Variants in LRP1B observed in about 807,000 individuals in gnomAD.
The protein encoded by LRP1B is low-density lipoprotein receptor-related protein 1B.
Under a neutral mutation model 556.6 loss-of-function variants are expected in LRP1B, and 217 were observed. The observed-to-expected ratio is 0.39, with a 90% CI of 0.35 to 0.44. The LOEUF (loss-of-function observed/expected upper bound fraction) is 0.44, where lower values mean the gene tolerates loss of function less well. LRP1B is among the 20% of genes least tolerant of loss of function. The pLI is 1.00. For synonymous variants in LRP1B, 2,047 were observed against 1,865.8 expected (o/e 1.10, Z -2.50); for missense variants, 5,053 against 5,620.8 (o/e 0.90, Z 3.23).
intron 27 of LRP1B, among the ~76,000 whole-genome samples, chr2:140,854,722 G>T (rs914938991): frequency 6.6e-6 from 1 of 152,138 alleles, no homozygotes; most frequent in African/African-American, 2.4e-5. Flanking sequence ...AGCCATGGCT[G>T]TTATCATACT....
chr2:141,600,889 C>G (rs1687709189), intron 2 of LRP1B, among the ~76,000 whole-genome samples: 1 of 152,096 alleles, frequency 6.6e-6, no homozygotes, highest in African/African-American at 2.4e-5. Context: ...GGCATCCGAA[C>G]AGAACCTGGG....
At chr2:141,268,515 T>A (rs1171482645) in intron 3 of LRP1B, among the ~76,000 whole-genome samples, 1 of 152,084 alleles carries the variant, frequency 6.6e-6, no homozygotes, top group Non-Finnish European at 1.5e-5. Context: ...TTGATATGAA[T>A]GTCACTCAAT....
intron 2 of LRP1B, among the ~76,000 whole-genome samples, chr2:141,729,306 CT>C (rs1186311943): frequency 6.9e-5 from 10 of 144,932 alleles, no homozygotes; most frequent in Non-Finnish European, 1.4e-4. Context: ...CTATGCTATT[CT>C]TTTTTTTTAG....
intron 85 of LRP1B, among the ~76,000 whole-genome samples, chr2:140,273,376 G>T (rs1682546311): frequency 6.6e-6 from 1 of 151,732 alleles, no homozygotes; most frequent in African/African-American, 2.4e-5. Flanking sequence ...AAGGCACATA[G>T]TTATATATCA....
chr2:140,838,469 C>T (rs1487274207), intron 31 of LRP1B, among the ~76,000 whole-genome samples: 1 of 152,054 alleles, frequency 6.6e-6, no homozygotes, highest in African/African-American at 2.4e-5. Flanking sequence ...TTAACAGTAT[C>T]ATTTTATATG....
At chr2:140,434,892 C>T (rs551595233) in intron 66 of LRP1B, among the ~76,000 whole-genome samples, 239 of 152,130 alleles carry the variant, frequency 1.6e-3, no homozygotes, top group African/African-American at 5.5e-3. Context: ...CTGATGTTAA[C>T]ATATAAGCAT....
In LRP1B at chr2:140,868,184, T is replaced by C. The variant is rs759335806; in HGVS notation, c.4249A>G (p.Ile1417Val). The C allele has an allele frequency of 6.2e-7, 1 of 1,610,350 alleles. No individual in the cohort carries two copies. Among genetic ancestry groups the C allele is most frequent in the Admixed American group, 1.7e-5 (1 of 59,636 alleles). The change falls in exon 26 of 91, where the codon ATC becomes GTC. Residue 1417 changes from isoleucine (I) to valine (V), a missense_variant. Physicochemically the swap from Ile to Val is conservative, Grantham distance 29. Around this residue, in one of 5 missense-constraint regions of LRP1B, gnomAD observed 3,619 missense variants for 3,931.9 expected, o/e 0.92. Transcript: ENST00000389484. Reference sequence around the variant, plus strand: ...GCCCCAGTTTTCATGTCTTTATAGATGGTTTTTCTCCCAGCACCACTCATA... The same window carrying C: ...GCCCCAGTTTTCATGTCTTTATAGACGGTTTTTCTCCCAGCACCACTCATA... Reference protein sequence around the residue: ...ASMSGAGRKTIYKDMKTGAWP... With the variant: ...ASMSGAGRKTVYKDMKTGAWP...
chr2:141,838,272 ATAAAG>A (rs1259813102), intron 1 of LRP1B, among the ~76,000 whole-genome samples: 5 of 152,154 alleles, frequency 3.3e-5, no homozygotes, highest in Non-Finnish European at 7.4e-5. Flanking sequence ...TGCAGTGTGA[ATAAAG>A]TAGCACCAAA....
intron 52 of LRP1B, 79 bp downstream of exon 52, chr2:140,509,849 T>C: frequency 5.2e-6 from 8 of 1,545,188 alleles, no homozygotes; most frequent in Non-Finnish European, 7.0e-6. Flanking sequence ...AAATGTGCTA[T>C]GGCAAATACT....
At chr2:142,110,698 T>C (rs1706957249) in intron 1 of LRP1B, among the ~76,000 whole-genome samples, 1 of 152,170 alleles carries the variant, frequency 6.6e-6, no homozygotes, top group African/African-American at 2.4e-5. Context: ...TTGTTAATGA[T>C]TTCTTTTAGG....
chr2:140,503,206 G>A (rs1689272161), intron 53 of LRP1B, 103 bp from the exon 54 acceptor site: 1 of 943,416 alleles, frequency 1.1e-6, no homozygotes, highest in African/African-American at 1.6e-5. Flanking sequence ...GATTACTCAT[G>A]TCTCCCATGA....
At chr2:141,618,153 G>A (rs76630473) in intron 2 of LRP1B, among the ~76,000 whole-genome samples, 2,793 of 152,164 alleles carry the variant, frequency 0.018, 40 homozygotes, top group Middle Eastern at 0.054. Flanking sequence ...CCCTTAAACA[G>A]AAAATTATTG....
In LRP1B at chr2:140,454,292, G is replaced by C. The variant is rs139805641; in HGVS notation, c.9963+2163C>G. Among the ~76,000 whole-genome samples the C allele has an allele frequency of 5.7e-4, 86 of 152,132 alleles. No homozygotes were observed. The East Asian group carries it at 0.016, about 29-fold the overall frequency. On this transcript the variant is annotated intron_variant, in intron 62 of 90. Transcript: ENST00000389484. ...CCCTCCCAAGTAGCTGGGATTACAG[G>C]TCCTTGCCACCATGCCCAGCTAATT...
chr2:141,107,512 G>A (rs1700636023), intron 7 of LRP1B, among the ~76,000 whole-genome samples: 1 of 152,044 alleles, frequency 6.6e-6, no homozygotes, highest in African/African-American at 2.4e-5. Context: ...TGGACATGGT[G>A]GTGTGTACCT....
chr2:140,468,589 G>A (rs1290468738), intron 60 of LRP1B, among the ~76,000 whole-genome samples: 2 of 152,234 alleles, frequency 1.3e-5, no homozygotes, highest in Admixed American at 1.3e-4. Context: ...TCCAACCTAT[G>A]AGAGGTGGAA....
At chr2:141,983,948 C>A (rs1280988207) in intron 1 of LRP1B, among the ~76,000 whole-genome samples, 3 of 152,102 alleles carry the variant, frequency 2.0e-5, no homozygotes, top group Admixed American at 6.6e-5. Context: ...ATAATCCCAG[C>A]TACTCAGGAA....
At chr2:141,281,335 GGGCCTAT>G (rs1685501138) in intron 3 of LRP1B, among the ~76,000 whole-genome samples, 1 of 151,824 alleles carries the variant, frequency 6.6e-6, no homozygotes, top group Admixed American at 6.6e-5. Context: ...TATCCCACCT[GGGCCTAT>G]AACTCTGTCT....
intron 7 of LRP1B, among the ~76,000 whole-genome samples, chr2:141,112,700 A>T (rs535429763): frequency 6.6e-6 from 1 of 152,184 alleles, no homozygotes; most frequent in East Asian, 1.9e-4. Flanking sequence ...GCCTGCAAGA[A>T]CCTAACCTTG....
intron 20 of LRP1B, among the ~76,000 whole-genome samples, chr2:140,945,972 T>C (rs932887007): frequency 2.6e-5 from 4 of 152,082 alleles, no homozygotes; most frequent in African/African-American, 9.7e-5. Flanking sequence ...GACAAGGAAC[T>C]AATAGCCAGA....
Sources: allele counts gnomAD v4.1 joint callset (sites outside exome capture counted in the v4.1 genomes callset), GRCh38; gene constraint gnomAD v4.1.1; regional missense constraint gnomAD v4.1.1; transcripts MANE v1.5; gene names NCBI Gene and HGNC (gene_info 2026-07-23, HGNC 2026-07-21).